Variants in ARID1B observed in about 807,000 individuals in gnomAD.
The protein encoded by ARID1B is AT-rich interaction domain 1B.
Under a neutral mutation model 212.3 loss-of-function variants are expected in ARID1B, and 30 were observed. The ratio of observed to expected loss-of-function variants is 0.14; its 90% CI spans 0.11 to 0.19. ARID1B has a LOEUF of 0.19. ARID1B is among the 10% of genes least tolerant of loss of function. The pLI, the probability that ARID1B is intolerant of heterozygous loss-of-function variation, is 1.00. For missense variants in ARID1B, 2,891 were observed against 3,204.0 expected, an observed-to-expected ratio of 0.90 and a Z score of 2.36; for synonymous variants, 1,402 against 1,301.7, an observed-to-expected ratio of 1.08 and a Z score of -1.66.
chr6:157,032,862 A>G (rs945852363), intron 4 of ARID1B, among the ~76,000 whole-genome samples: 2 of 152,184 alleles, frequency 1.3e-5, no homozygotes, highest in South Asian at 4.1e-4. Context: ...CTTACTGTGC[A>G]CACCCTTTCC....
intron 3 of ARID1B, among the ~76,000 whole-genome samples, chr6:156,921,041 C>T (rs575608556): frequency 1.3e-5 from 2 of 152,122 alleles, no homozygotes; most frequent in Admixed American, 1.3e-4. Context: ...CTCCAGGACC[C>T]TGGACCCCAC....
At chr6:157,156,663 C>T (rs937283745) in intron 8 of ARID1B, among the ~76,000 whole-genome samples, 3 of 152,148 alleles carry the variant, frequency 2.0e-5, no homozygotes, top group Non-Finnish European at 4.4e-5. Flanking sequence ...CAGAGATTTT[C>T]GACAGCCGCT....
intron 11 of ARID1B, among the ~76,000 whole-genome samples, chr6:157,176,174 C>T (rs986388675): frequency 5.9e-5 from 9 of 151,366 alleles, no homozygotes; most frequent in South Asian, 2.1e-4. Context: ...GGGCGATATT[C>T]GCTCTTACCT....
chr6:157,135,086 G>T (rs999321643), intron 7 of ARID1B, among the ~76,000 whole-genome samples: 1 of 151,218 alleles, frequency 6.6e-6, no homozygotes, highest in Non-Finnish European at 1.5e-5. Context: ...ACTATAGAAT[G>T]GATTTTTTTT....
At chr6:156,872,619 C>T (rs1270962237) in intron 2 of ARID1B, among the ~76,000 whole-genome samples, 1 of 152,220 alleles carries the variant, frequency 6.6e-6, no homozygotes, top group African/African-American at 2.4e-5. Flanking sequence ...AGCCACCACT[C>T]CTGGCCTAAC....
chr6:157,032,522 G>A (rs1348334868), intron 4 of ARID1B, among the ~76,000 whole-genome samples: 3 of 152,142 alleles, frequency 2.0e-5, no homozygotes, highest in Admixed American at 2.0e-4. Context: ...ATTGTTTTCT[G>A]GGCGGGTCAT....
intron 3 of ARID1B, among the ~76,000 whole-genome samples, chr6:156,905,844 T>C (rs1313504149): frequency 6.6e-6 from 1 of 152,252 alleles, no homozygotes; most frequent in Non-Finnish European, 1.5e-5. Context: ...CGCTATTTTC[T>C]AAGAATTTTA....
At chr6:157,122,346 G>A (rs190373155) in intron 6 of ARID1B, among the ~76,000 whole-genome samples, 7 of 152,304 alleles carry the variant, frequency 4.6e-5, no homozygotes, top group Admixed American at 3.9e-4. Context: ...ACAAGAGAAT[G>A]CCCCTAAATA....
chr6:156,967,952 G>A (rs1301337368), intron 4 of ARID1B, among the ~76,000 whole-genome samples: 3 of 152,186 alleles, frequency 2.0e-5, no homozygotes, highest in African/African-American at 4.8e-5. Flanking sequence ...GTTCAGATTT[G>A]TGTAGACTTT....
chr6:156,885,848 CT>C (rs1787460642), intron 2 of ARID1B, among the ~76,000 whole-genome samples: 1 of 152,194 alleles, frequency 6.6e-6, no homozygotes, highest in South Asian at 2.1e-4. Context: ...CCCCTTCCCA[CT>C]TGTGCCTAGA....
At chr6:157,078,057 A>G (rs1784417836) in intron 4 of ARID1B, among the ~76,000 whole-genome samples, 1 of 152,192 alleles carries the variant, frequency 6.6e-6, no homozygotes, top group Non-Finnish European at 1.5e-5. Flanking sequence ...GTGTTTTAGC[A>G]CTGACATGGG....
chr6:157,170,143 C>T (rs777525916), intron 9 of ARID1B: 3 of 152,154 alleles, frequency 2.0e-5, no homozygotes, highest in Non-Finnish European at 2.9e-5. Context: ...TGACCACTTC[C>T]GCAGGTAGTT....
At position 156,857,520 on chromosome 6, in the gene ARID1B, A is replaced by G. The variant is rs867013759; in HGVS notation, c.1986+28099A>G. ...AGGAGGGCTTTGTTCTGAAGCTTCTATTTGAATTGGAAACTCAGGGTGTTG... is the reference window on the plus strand; with the variant it reads ...AGGAGGGCTTTGTTCTGAAGCTTCTGTTTGAATTGGAAACTCAGGGTGTTG... On this transcript the variant is annotated intron_variant, in intron 2 of 19. Coordinates refer to ENST00000636930, the MANE Select transcript of ARID1B (RefSeq NM_001374828.1). Among the ~76,000 whole-genome samples, 8 of 152,254 alleles carry G rather than the reference A, an allele frequency of 5.3e-5. No individual in the cohort carries two copies. In the Middle Eastern group the frequency reaches 0.017, roughly 324 times the overall value.
intron 3 of ARID1B, among the ~76,000 whole-genome samples, chr6:156,910,333 T>C (rs1789769938): frequency 6.6e-6 from 1 of 152,226 alleles, no homozygotes; most frequent in African/African-American, 2.4e-5. Context: ...CCTCTGCATA[T>C]CAAGTTCAAG....
chr6:157,191,006 G>A (rs988368607), intron 15 of ARID1B, among the ~76,000 whole-genome samples: 5 of 152,152 alleles, frequency 3.3e-5, no homozygotes, highest in South Asian at 2.1e-4. Context: ...CGTTGAGGCC[G>A]GCGGGGCCAA....
intron 4 of ARID1B, among the ~76,000 whole-genome samples, chr6:156,987,073 G>C (rs1301197015): frequency 6.6e-6 from 1 of 151,848 alleles, no homozygotes; most frequent in Admixed American, 6.6e-5. Context: ...AGCTGCTCAG[G>C]AGGCTGAGGT....
chr6:156,921,343 C>A (rs1325153276), intron 3 of ARID1B, among the ~76,000 whole-genome samples: 1 of 151,538 alleles, frequency 6.6e-6, no homozygotes, highest in Non-Finnish European at 1.5e-5. Flanking sequence ...ATGATAATTT[C>A]AGATTTCTGG....
At chr6:157,137,596 C>G (rs140259887) in intron 7 of ARID1B, among the ~76,000 whole-genome samples, 1 of 152,312 alleles carries the variant, frequency 6.6e-6, no homozygotes, top group East Asian at 1.9e-4. Flanking sequence ...TCCAGAAATA[C>G]TTTTTGCATG....
At chr6:156,897,898 T>G (rs1788615934) in intron 2 of ARID1B, among the ~76,000 whole-genome samples, 1 of 152,208 alleles carries the variant, frequency 6.6e-6, no homozygotes, top group Admixed American at 6.5e-5. Flanking sequence ...ATAGCTTGCT[T>G]AATAATCATT....
Sources: gnomAD v4.1 joint callset for allele counts (sites outside exome capture counted in the v4.1 genomes callset) on GRCh38, gnomAD v4.1.1 for gene constraint, MANE v1.5 for transcripts, NCBI Gene and HGNC (gene_info 2026-07-23, HGNC 2026-07-21) for gene names.